Variants in SRBD1 observed in about 807,000 individuals in gnomAD.
SRBD1 encodes S1 RNA-binding domain-containing protein 1.
A neutral mutation model predicts 115.3 loss-of-function variants in SRBD1; 88 were observed. The ratio of observed to expected loss-of-function variants is 0.76; its 90% CI spans 0.64 to 0.91. The LOEUF (loss-of-function observed/expected upper bound fraction) is 0.91, where lower values mean the gene tolerates loss of function less well. SRBD1 is among the 40% of genes least tolerant of loss of function. The pLI is 0.00. For synonymous variants in SRBD1, 509 were observed against 407.7 expected (o/e 1.25, Z -2.99); for missense variants, 1,385 against 1,177.4 (o/e 1.18, Z -2.58).
chr2:45,466,507 G>A (rs1357846543), intron 16 of SRBD1, among the ~76,000 whole-genome samples: 1 of 152,106 alleles, frequency 6.6e-6, no homozygotes, highest in Non-Finnish European at 1.5e-5. Context: ...TCTCTCAAAT[G>A]CTTACACTTC....
chr2:45,569,990 G>A (rs1334790944), intron 9 of SRBD1, among the ~76,000 whole-genome samples: 1 of 152,194 alleles, frequency 6.6e-6, no homozygotes, highest in African/African-American at 2.4e-5. Flanking sequence ...GCAGAAGTTA[G>A]CAAACTATGG....
At chr2:45,483,810 T>C (rs747939306) in intron 15 of SRBD1, among the ~76,000 whole-genome samples, 1 of 152,132 alleles carries the variant, frequency 6.6e-6, no homozygotes, top group Non-Finnish European at 1.5e-5. Flanking sequence ...TATTAAAATG[T>C]AGTTTTAGAA....
intron 10 of SRBD1, among the ~76,000 whole-genome samples, chr2:45,556,929 G>A (rs1046393143): frequency 1.3e-5 from 2 of 152,100 alleles, no homozygotes; most frequent in African/African-American, 4.8e-5. Flanking sequence ...TGCTGCTGCT[G>A]CTGCTGCTGT....
Position 45,599,540 on chromosome 2 carries a change from G to C in SRBD1, c.557C>G (p.Thr186Ser), listed in dbSNP as rs753287117. The change falls in exon 4 of 21, where the codon ACT becomes AGT. Residue 186 changes from threonine to serine, a missense_variant. Physicochemically the swap from Thr to Ser is moderately conservative, Grantham distance 58. Transcript: ENST00000263736. ...FGQSALKKIK[T>S]ETYPQGQPVK... ...AGGCTGCCCCTGAGGATATGTCTCAGTCTTGATTTTCTTTAAAGCGGACTG... is the reference window on the plus strand; with the variant it reads ...AGGCTGCCCCTGAGGATATGTCTCACTCTTGATTTTCTTTAAAGCGGACTG... 2.8e-5 allele frequency: 46 copies of C among 1,614,084 alleles called. No homozygotes were observed. Among genetic ancestry groups the C allele is most frequent in the Non-Finnish European group, 3.7e-5 (44 of 1,180,056 alleles).
intron 16 of SRBD1, among the ~76,000 whole-genome samples, chr2:45,462,362 C>A (rs533599971): frequency 3.2e-4 from 49 of 152,210 alleles, no homozygotes; most frequent in Non-Finnish European, 6.3e-4. Flanking sequence ...GCACATCATG[C>A]CTCAAAAAGT....
chr2:45,418,541 C>T lies in SRBD1; in HGVS notation c.2157G>A (p.Arg719=). The T allele has an allele frequency of 6.3e-7, 1 of 1,581,018 alleles. No homozygotes were observed. Among genetic ancestry groups the T allele is most frequent in the Non-Finnish European group, 8.6e-7 (1 of 1,167,694 alleles). The change falls in exon 18 of 21, where the codon AGG becomes AGA. Residue 719 remains arginine, a splice_region_variant and synonymous_variant. Transcript: ENST00000263736. ...DINICSEVLL[R]HIAGLNANRA... is the part of the protein sequence containing the mutation. ...TGTTGGCATTGAGTCCTGCAATATG[C>T]CTAGAAAAAAAAAATAAGCAAACTG...
At chr2:45,477,474 A>G (rs1200302091) in intron 15 of SRBD1, among the ~76,000 whole-genome samples, 1 of 152,232 alleles carries the variant, frequency 6.6e-6, no homozygotes, top group Non-Finnish European at 1.5e-5. Flanking sequence ...TATTACAAAT[A>G]TATTTATATG....
At chr2:45,573,014 C>T (rs1673068151) in intron 9 of SRBD1, among the ~76,000 whole-genome samples, 193 bp downstream of exon 9, 1 of 152,086 alleles carries the variant, frequency 6.6e-6, no homozygotes, top group South Asian at 2.1e-4. Flanking sequence ...CTCAATGTCA[C>T]TTGTTAACTT....
intron 19 of SRBD1, among the ~76,000 whole-genome samples, chr2:45,402,411 G>GT (rs1210210706): frequency 6.6e-6 from 1 of 152,094 alleles, no homozygotes; most frequent in African/African-American, 2.4e-5. Flanking sequence ...AACATTGATT[G>GT]TAAGGGTCAC....
At chr2:45,477,736 A>G (rs1669846313) in intron 15 of SRBD1, among the ~76,000 whole-genome samples, 1 of 152,184 alleles carries the variant, frequency 6.6e-6, no homozygotes, top group Non-Finnish European at 1.5e-5. Flanking sequence ...TAATGCAACC[A>G]GAGATCAAGT....
chr2:45,496,218 T>C (rs1024772653), intron 14 of SRBD1, among the ~76,000 whole-genome samples: 2 of 152,328 alleles, frequency 1.3e-5, no homozygotes, highest in African/African-American at 4.8e-5. Context: ...TGTGGGAGTT[T>C]GTCCAGTAAT....
intron 19 of SRBD1, among the ~76,000 whole-genome samples, chr2:45,399,024 G>T (rs1313118088): frequency 6.6e-6 from 1 of 151,806 alleles, no homozygotes; most frequent in African/African-American, 2.4e-5. Flanking sequence ...TAAAATATCA[G>T]TCTTCTCACA....
chr2:45,576,018 A>T (rs1290505499), intron 7 of SRBD1, among the ~76,000 whole-genome samples: 3 of 152,040 alleles, frequency 2.0e-5, no homozygotes, highest in Non-Finnish European at 2.9e-5. Flanking sequence ...TTCTACATGG[A>T]TTAATTACAA....
chr2:45,593,184 G>A (rs1366790535), intron 4 of SRBD1, among the ~76,000 whole-genome samples: 7 of 151,920 alleles, frequency 4.6e-5, no homozygotes, highest in South Asian at 2.1e-4. Context: ...AGTCTATTAC[G>A]TTCCAAACAC....
intron 14 of SRBD1, among the ~76,000 whole-genome samples, chr2:45,534,646 T>A (rs1248511890): frequency 6.6e-6 from 1 of 151,924 alleles, no homozygotes; most frequent in Non-Finnish European, 1.5e-5. Flanking sequence ...AGACAGGATA[T>A]TTAAATACAA....
At chr2:45,605,465 C>A in intron 1 of SRBD1, 24 bp from the exon 2 acceptor site, 1 of 1,597,668 alleles carries the variant, frequency 6.3e-7, no homozygotes, top group Non-Finnish European at 8.6e-7. Flanking sequence ...AAAATAAAAT[C>A]AGCAACACTT....
chr2:45,585,004 G>C (rs1251536065), intron 5 of SRBD1, among the ~76,000 whole-genome samples: 1 of 152,100 alleles, frequency 6.6e-6, no homozygotes, highest in African/African-American at 2.4e-5. Context: ...TACAAAATTA[G>C]TGGGGCGTGG....
intron 10 of SRBD1, among the ~76,000 whole-genome samples, chr2:45,556,399 T>C (rs1572772041): frequency 6.7e-6 from 1 of 149,262 alleles, no homozygotes; most frequent in African/African-American, 2.4e-5. Flanking sequence ...CAAACAGCAG[T>C]ATAATATACT....
rs562705696 is a variant in SRBD1, at chr2:45,563,011, A to G, written c.1306-255T>C. Among the ~76,000 whole-genome samples the G allele has an allele frequency of 4.6e-5, 7 of 152,346 alleles. No individual in the cohort carries two copies. In the East Asian group the frequency reaches 1.3e-3, roughly 29 times the overall value. ...TACAAGAAGAGACTTTGATGATCTA[A>G]AAATCTCATTTCAGATTCTACTAAT... On this transcript the variant is annotated intron_variant, in intron 9 of 20. Transcript: ENST00000263736.
Sources: gnomAD v4.1 joint callset for allele counts (sites outside exome capture counted in the v4.1 genomes callset) on GRCh38, gnomAD v4.1.1 for gene constraint, MANE v1.5 for transcripts, NCBI Gene and HGNC (gene_info 2026-07-23, HGNC 2026-07-21) for gene names.